SELENOI: variants seen among roughly 807,000 people sequenced by gnomAD.
SELENOI encodes the protein selenoprotein I.
Under a neutral mutation model 50.7 loss-of-function variants are expected in SELENOI, and 24 were observed. That is an observed-to-expected ratio of 0.47 (90% CI 0.34 to 0.67). The LOEUF (loss-of-function observed/expected upper bound fraction) is 0.67, where lower values mean the gene tolerates loss of function less well. Ranked by LOEUF, SELENOI falls within the 30% of genes least tolerant of loss-of-function variation. The pLI, the probability that SELENOI is intolerant of heterozygous loss-of-function variation, is 0.01. For synonymous variants in SELENOI, 155 were observed against 170.2 expected, an observed-to-expected ratio of 0.91 and a Z score of 0.70; for missense variants, 352 against 461.4, an observed-to-expected ratio of 0.76 and a Z score of 2.17.
chr2:26,362,090 T>G (rs1357888167), intron 1 of SELENOI, among the ~76,000 whole-genome samples: 3 of 152,158 alleles, frequency 2.0e-5, no homozygotes, highest in African/African-American at 7.2e-5. Flanking sequence ...ATTGGTTGAC[T>G]CTTTGCTAAA....
rs531808328 is a variant in SELENOI at position 26,353,179 on chromosome 2, G to T, written c.57+6890G>T. 5.3e-5 allele frequency among the ~76,000 whole-genome samples: 8 copies of T among 152,202 alleles called. No individual in the cohort carries two copies. In the South Asian group the frequency reaches 1.2e-3, roughly 24 times the overall value. The stretch of plus-strand genomic sequence containing the variant: ...TAGAAGTGGTAGTCACTGAGGCAGG[G>T]TTTTATGAAACAGCATACTGTTTTA... On this transcript the variant is annotated intron_variant, in intron 1 of 9. Transcript: ENST00000260585.
chr2:26,357,681 C>G (rs922206529), intron 1 of SELENOI, among the ~76,000 whole-genome samples: 2 of 152,220 alleles, frequency 1.3e-5, no homozygotes, highest in African/African-American at 4.8e-5. Flanking sequence ...CCCTGTGTTT[C>G]TGTCCCCTTG....
chr2:26,362,457 C>T (rs1677198077), intron 1 of SELENOI, among the ~76,000 whole-genome samples: 1 of 152,098 alleles, frequency 6.6e-6, no homozygotes, highest in Non-Finnish European at 1.5e-5. Context: ...ACTGAACACA[C>T]ATAGAAAATA....
chr2:26,356,742 AT>A (rs926757662), intron 1 of SELENOI, among the ~76,000 whole-genome samples: 2 of 152,072 alleles, frequency 1.3e-5, no homozygotes, highest in Non-Finnish European at 2.9e-5. Context: ...CTTAAGGACC[AT>A]TTTTTGTTCT....
chr2:26,384,175 A>G (rs954289788), intron 7 of SELENOI, among the ~76,000 whole-genome samples: 2 of 152,122 alleles, frequency 1.3e-5, no homozygotes, highest in African/African-American at 4.8e-5. Context: ...ATTTTCTTAC[A>G]CTTCCCACTT....
chr2:26,350,203 G>T (rs202203060), intron 1 of SELENOI, among the ~76,000 whole-genome samples: 1 of 130,356 alleles, frequency 7.7e-6, no homozygotes, highest in Non-Finnish European at 1.7e-5. Flanking sequence ...CTCAACAACA[G>T]CCTGATTATA....
At position 26,363,289 on chromosome 2, in the gene SELENOI, A is replaced by G. The variant is rs1160146147; in HGVS notation, c.58-1013A>G. Reference sequence around the variant, plus strand: ...GTAAGGACTATCATCTTCATTTTACAGGTGAAGAAACTAAGGCAGAGAGAT... The same window carrying G: ...GTAAGGACTATCATCTTCATTTTACGGGTGAAGAAACTAAGGCAGAGAGAT... On this transcript the variant is annotated intron_variant, in intron 1 of 9. Coordinates refer to ENST00000260585, the MANE Select transcript of SELENOI (RefSeq NM_033505.4). Among the ~76,000 whole-genome samples, 5 of 152,348 alleles carry G rather than the reference A, an allele frequency of 3.3e-5. No homozygotes were observed. The East Asian group carries it at 7.7e-4, about 23-fold the overall frequency.
intron 1 of SELENOI, among the ~76,000 whole-genome samples, chr2:26,355,899 C>T (rs1677054927): frequency 6.6e-6 from 1 of 151,858 alleles, no homozygotes; most frequent in Non-Finnish European, 1.5e-5. Flanking sequence ...CGCCACCACA[C>T]CTGGCTCATT....
chr2:26,384,925 A>G, intron 7 of SELENOI, 34 bp from the exon 8 acceptor site: 1 of 1,484,648 alleles, frequency 6.7e-7, no homozygotes, highest in Non-Finnish European at 9.2e-7. Context: ...TATATGTAAT[A>G]ATGTTCTTTA....
intron 9 of SELENOI, among the ~76,000 whole-genome samples, chr2:26,387,239 A>G (rs1239031863): frequency 6.6e-6 from 1 of 152,196 alleles, no homozygotes; most frequent in Non-Finnish European, 1.5e-5. Context: ...ATCAAATGGA[A>G]CCATGTGGTT....
chr2:26,370,545 C>T (rs1300693323), intron 4 of SELENOI, among the ~76,000 whole-genome samples: 4 of 126,166 alleles, frequency 3.2e-5, no homozygotes, highest in Admixed American at 7.5e-5. Context: ...GGGCTCCTCA[C>T]GTCCCAGTAG....
At chr2:26,374,428 G>C (rs1163146517) in intron 5 of SELENOI, among the ~76,000 whole-genome samples, 1 of 152,182 alleles carries the variant, frequency 6.6e-6, no homozygotes, top group Non-Finnish European at 1.5e-5. Context: ...GTTTGTTGAA[G>C]TGGTTGGGTG....
At chr2:26,347,379 T>C (rs1185325092) in intron 1 of SELENOI, among the ~76,000 whole-genome samples, 1 of 151,994 alleles carries the variant, frequency 6.6e-6, no homozygotes, top group Non-Finnish European at 1.5e-5. Context: ...CCAGTAAGCA[T>C]TTGTGGAATG....
chr2:26,370,751 C>T (rs1256379034), intron 4 of SELENOI, among the ~76,000 whole-genome samples: 7 of 139,622 alleles, frequency 5.0e-5, no homozygotes, highest in African/African-American at 1.6e-4. Context: ...CTGACCCCCC[C>T]ACCTCCCTCC....
At chr2:26,350,865 A>C (rs1176707409) in intron 1 of SELENOI, among the ~76,000 whole-genome samples, 2 of 152,148 alleles carry the variant, frequency 1.3e-5, no homozygotes, top group Non-Finnish European at 2.9e-5. Flanking sequence ...ATGCTGCTCC[A>C]TTTATGATGG....
intron 1 of SELENOI, among the ~76,000 whole-genome samples, chr2:26,355,278 C>T (rs1037736025): frequency 1.4e-4 from 22 of 152,176 alleles, no homozygotes; most frequent in African/African-American, 5.1e-4. Flanking sequence ...AGGGTGGCAA[C>T]GTAATGGACA....
At chr2:26,346,555 T>A in intron 1 of SELENOI, 1 of 357,024 alleles carries the variant, frequency 2.8e-6, no homozygotes, top group South Asian at 6.2e-5. Flanking sequence ...GGGAATTCCC[T>A]TCCTATTTTT....
intron 1 of SELENOI, among the ~76,000 whole-genome samples, chr2:26,358,930 C>G (rs1677119176): frequency 6.6e-6 from 1 of 152,164 alleles, no homozygotes; most frequent in Admixed American, 6.5e-5. Flanking sequence ...TGTTCTGCTT[C>G]CTATTCATAT....
At chr2:26,370,213 T>C (rs187446441) in intron 4 of SELENOI, among the ~76,000 whole-genome samples, 5,013 of 151,858 alleles carry the variant, frequency 0.033, 156 homozygotes, top group Non-Finnish European at 0.045. Context: ...GGCAGAAGAA[T>C]TTTTCTAAGT....
Sources: gnomAD v4.1 joint callset for allele counts (sites outside exome capture counted in the v4.1 genomes callset) on GRCh38, gnomAD v4.1.1 for gene constraint, MANE v1.5 for transcripts, NCBI Gene and HGNC (gene_info 2026-07-23, HGNC 2026-07-21) for gene names.